RSPO1: variants seen among roughly 807,000 people sequenced by gnomAD.
The protein encoded by RSPO1 is R-spondin 1.
In RSPO1, 18 loss-of-function variants were observed where a neutral mutation model predicts 26.0. The observed-to-expected ratio is 0.69, with a 90% CI of 0.48 to 1.03. RSPO1 has a LOEUF of 1.03. RSPO1 is among the 50% of genes least tolerant of loss of function. RSPO1 has a pLI of 0.00. For missense variants in RSPO1, 309 were observed against 352.3 expected (o/e 0.88, Z 0.98); for synonymous variants, 133 against 137.4 (o/e 0.97, Z 0.22).
rs77855399 is a variant in RSPO1, at chr1:37,632,897, T to A, written c.-355-544A>T. The stretch of plus-strand genomic sequence containing the variant: ...TTTAAGCAGGCTGCTTCATTTCTTT[T>A]AGAGTCCTCTGTCTGATTTCCTTTG... On this transcript the variant is annotated intron_variant, in intron 1 of 6. Transcript: ENST00000356545. Among the ~76,000 whole-genome samples the A allele has an allele frequency of 5.8e-3, 881 of 152,320 alleles. 8 individuals are homozygous for A. Among genetic ancestry groups the A allele is most frequent in the African/African-American group, 0.021 (857 of 41,562 alleles).
intron 4 of RSPO1, 111 bp from the exon 5 acceptor site, chr1:37,614,444 G>A (rs1644080192): frequency 8.0e-7 from 1 of 1,253,126 alleles, no homozygotes; most frequent in African/African-American, 1.5e-5. Flanking sequence ...ATGGAGGGCA[G>A]GACCCTGGCC....
At chr1:37,618,757 G>A (rs1476444492) in intron 3 of RSPO1, among the ~76,000 whole-genome samples, 1 of 152,126 alleles carries the variant, frequency 6.6e-6, no homozygotes, top group Non-Finnish European at 1.5e-5. Context: ...TGAGCTGTGG[G>A]GCCAGACGTG....
At chr1:37,616,726 T>C (rs913795429) in intron 3 of RSPO1, 51 bp from the exon 4 acceptor site, 1 of 1,495,624 alleles carries the variant, frequency 6.7e-7, no homozygotes, top group African/African-American at 1.4e-5. Flanking sequence ...GAACCTCACC[T>C]ATCCAGATTC....
In RSPO1 at chr1:37,628,648, A is replaced by G. The variant is rs371562827; in HGVS notation, c.94+920T>C. ...CCCCTCACACACAGTGGCCACCCCT[A>G]CAGCACTGGGGCCCCATCACTGGAG... On this transcript the variant is annotated intron_variant, in intron 3 of 6. Coordinates refer to ENST00000356545, the MANE Select transcript of RSPO1 (RefSeq NM_001242908.2). 2.6e-5 allele frequency among the ~76,000 whole-genome samples: 4 copies of G among 152,246 alleles called. No individual in the cohort carries two copies. The East Asian group carries it at 5.8e-4, about 22-fold the overall frequency.
At chr1:37,623,640 G>A (rs113127624) in intron 3 of RSPO1, among the ~76,000 whole-genome samples, 2 of 151,942 alleles carry the variant, frequency 1.3e-5, no homozygotes, top group Non-Finnish European at 2.9e-5. Flanking sequence ...CAGCTACTTG[G>A]GAGGCTGAGG....
chr1:37,621,628 C>T (rs1003182203), intron 3 of RSPO1, among the ~76,000 whole-genome samples: 1 of 152,062 alleles, frequency 6.6e-6, no homozygotes, highest in African/African-American at 2.4e-5. Flanking sequence ...GGGAAAATGA[C>T]GAGTAGCTAA....
At chr1:37,618,859 GGTGAAA>G (rs1411905673) in intron 3 of RSPO1, among the ~76,000 whole-genome samples, 1 of 152,088 alleles carries the variant, frequency 6.6e-6, no homozygotes, top group African/African-American at 2.4e-5. Flanking sequence ...GGAGTGGAGT[GGTGAAA>G]GTTAAGGTAT....
chr1:37,625,111 C>T (rs547269034), intron 3 of RSPO1, among the ~76,000 whole-genome samples: 29 of 152,350 alleles, frequency 1.9e-4, no homozygotes, highest in Admixed American at 1.3e-4. Context: ...TACCACACCC[C>T]TAGTACTTGA....
At position 37,612,693 on chromosome 1, in the gene RSPO1, CT is replaced by C. The variant is rs1644042540; in HGVS notation, c.*61del. 17 of 1,573,892 alleles carry C rather than the reference CT, an allele frequency of 1.1e-5. No individual in the cohort carries two copies. In the Admixed American group the frequency reaches 2.3e-4, roughly 22 times the overall value. ...CCCCCGACGTTCCAGTTCAGGAAAG[CT>C]TGAATCACGCAGAGTAGCACTGAAC... On this transcript the variant is annotated 3_prime_UTR_variant, in exon 7 of 7. Coordinates refer to ENST00000356545, the MANE Select transcript of RSPO1 (RefSeq NM_001242908.2).
intron 4 of RSPO1, among the ~76,000 whole-genome samples, chr1:37,616,004 G>A (rs1371161760): frequency 6.6e-6 from 1 of 152,206 alleles, no homozygotes; most frequent in African/African-American, 2.4e-5. Flanking sequence ...AAGTGTGATG[G>A]GGTAGGGTGT....
chr1:37,621,711 T>C (rs1166641758), intron 3 of RSPO1, among the ~76,000 whole-genome samples: 1 of 152,122 alleles, frequency 6.6e-6, no homozygotes, highest in African/African-American at 2.4e-5. Flanking sequence ...ATTGAACACA[T>C]GGGTCTGGAA....
At chr1:37,615,324 C>A (rs915484276) in intron 4 of RSPO1, among the ~76,000 whole-genome samples, 1 of 152,174 alleles carries the variant, frequency 6.6e-6, no homozygotes, top group South Asian at 2.1e-4. Context: ...AAAATAAGAA[C>A]AATAGCAGCT....
chr1:37,624,912 T>G (rs1467125667), intron 3 of RSPO1, among the ~76,000 whole-genome samples: 1 of 152,204 alleles, frequency 6.6e-6, no homozygotes, highest in East Asian at 1.9e-4. Context: ...CCATTTTTGT[T>G]TCTCTGGACA....
intron 3 of RSPO1, 87 bp downstream of exon 3, chr1:37,629,481 G>T: frequency 9.6e-7 from 1 of 1,038,604 alleles, no homozygotes; most frequent in Non-Finnish European, 1.5e-6. Flanking sequence ...GGTCATCATG[G>T]AATAAAACTC....
rs774651356 is a variant in RSPO1 at position 37,613,709 on chromosome 1, G to A, written c.620C>T (p.Pro207Leu). The change falls in exon 6 of 7, where the codon CCT becomes CTT. Residue 207 changes from proline (P) to leucine (L), a missense_variant. Coordinates refer to ENST00000356545, the MANE Select transcript of RSPO1 (RefSeq NM_001242908.2). The surrounding 1 kb of genome is among the most constrained non-coding windows in gnomAD (Gnocchi z 4.5). The stretch of plus-strand genomic sequence containing the variant: ...AGGCAGAGGCTGCAGCTCACCCTCA[G>A]GACACGGCACTCTCCTCACTGTGCA... ...RRCTVRRVPC[P>L]EGQKRRKGGQ... The A allele has an allele frequency of 1.1e-5, 18 of 1,612,874 alleles. No homozygotes were observed. The Admixed American group carries it at 1.7e-4, about 15-fold the overall frequency.
chr1:37,630,617 A>G (rs1227145933), intron 2 of RSPO1, among the ~76,000 whole-genome samples: 1 of 152,242 alleles, frequency 6.6e-6, no homozygotes, highest in Non-Finnish European at 1.5e-5. Flanking sequence ...CCCCCAGCCC[A>G]GCGAGAGCCA....
chr1:37,627,257 A>G lies in RSPO1; in HGVS notation c.94+2311T>C, dbSNP rs76709605. Among the ~76,000 whole-genome samples the G allele has an allele frequency of 6.6e-3, 1,008 of 152,172 alleles. 8 individuals are homozygous for G. Among genetic ancestry groups the G allele is most frequent in the African/African-American group, 0.023 (971 of 41,500 alleles). On this transcript the variant is annotated intron_variant, in intron 3 of 6. Coordinates refer to ENST00000356545, the MANE Select transcript of RSPO1 (RefSeq NM_001242908.2). ...TCCACGCTTGTCTTATCGAGAGGCC[A>G]GGCACACACAGCTGTCTTGGTCTTC...
At chr1:37,620,342 G>A (rs183153373) in intron 3 of RSPO1, among the ~76,000 whole-genome samples, 50 of 152,194 alleles carry the variant, frequency 3.3e-4, no homozygotes, top group African/African-American at 1.2e-3. Flanking sequence ...GGGAGACCCT[G>A]TCTCTATTAC....
intron 3 of RSPO1, among the ~76,000 whole-genome samples, chr1:37,629,148 T>C (rs1644320221): frequency 6.6e-6 from 1 of 152,210 alleles, no homozygotes; most frequent in Admixed American, 6.5e-5. Context: ...GCAGAGCTCC[T>C]AACCCAAAAG....
Sources: gnomAD v4.1 joint callset for allele counts (sites outside exome capture counted in the v4.1 genomes callset) on GRCh38, gnomAD v4.1.1 for gene constraint, Gnocchi (gnomAD v3.1) non-coding constraint, MANE v1.5 for transcripts, NCBI Gene and HGNC (gene_info 2026-07-23, HGNC 2026-07-21) for gene names.